The following DAB1 variants were observed in gnomAD, a reference collection of about 807,000 sequenced individuals.
DAB1 encodes the protein DAB adaptor protein 1, also known as disabled homolog 1.
A neutral mutation model predicts 64.6 loss-of-function variants in DAB1; 15 were observed. The ratio of observed to expected loss-of-function variants is 0.23; its 90% CI spans 0.16 to 0.36. The LOEUF is 0.36. Among genes scored for constraint, DAB1 ranks in the 10% least tolerant of loss-of-function variants. The pLI, the probability that DAB1 is intolerant of heterozygous loss-of-function variation, is 1.00. For synonymous variants in DAB1, 235 were observed against 251.9 expected (o/e 0.93, Z 0.64); for missense variants, 596 against 706.7 (o/e 0.84, Z 1.78).
intron 2 of DAB1, among the ~76,000 whole-genome samples, chr1:57,232,293 T>TTTTTC (rs988162198): frequency 4.8e-5 from 7 of 147,344 alleles, no homozygotes; most frequent in African/African-American, 1.8e-4. Flanking sequence ...ACTTTTTTTT[T>TTTTTC]TTTTTTTTTT....
chr1:57,466,487 T>G (rs1686957626), intron 7 of DAB1, among the ~76,000 whole-genome samples: 1 of 152,230 alleles, frequency 6.6e-6, no homozygotes, highest in Non-Finnish European at 1.5e-5. Flanking sequence ...CCTCATCTAT[T>G]AATTGCCAAA....
chr1:57,192,947 A>G (rs1277699359), intron 2 of DAB1, among the ~76,000 whole-genome samples: 1 of 152,196 alleles, frequency 6.6e-6, no homozygotes, highest in African/African-American at 2.4e-5. Context: ...TTGACAGATC[A>G]AAGTTATATA....
chr1:58,417,838 TGAG>T (rs1472138504), intron 3 of DAB1, among the ~76,000 whole-genome samples: 2 of 152,222 alleles, frequency 1.3e-5, no homozygotes, highest in African/African-American at 4.8e-5. Flanking sequence ...ACTGCACCCT[TGAG>T]GGAACTGTCC....
intron 7 of DAB1, among the ~76,000 whole-genome samples, chr1:57,646,202 C>T (rs1397089684): frequency 6.6e-6 from 1 of 152,080 alleles, no homozygotes; most frequent in African/African-American, 2.4e-5. Flanking sequence ...CTCAATTATG[C>T]CAATTGAAGA....
At chr1:57,663,871 C>T (rs1322388377) in intron 6 of DAB1, among the ~76,000 whole-genome samples, 1 of 152,082 alleles carries the variant, frequency 6.6e-6, no homozygotes, top group Non-Finnish European at 1.5e-5. Context: ...AACTTGTGTT[C>T]AGTTCTCTAA....
intron 4 of DAB1, among the ~76,000 whole-genome samples, chr1:58,257,269 G>C (rs1660953999): frequency 6.6e-6 from 1 of 152,210 alleles, no homozygotes; most frequent in African/African-American, 2.4e-5. Context: ...GAGTGACGCA[G>C]TTGACAGCTA....
chr1:57,424,410 C>T (rs1685180567), upstream of DAB1, among the ~76,000 whole-genome samples: 2 of 151,870 alleles, frequency 1.3e-5, no homozygotes, highest in Non-Finnish European at 2.9e-5. Context: ...ACTCTCTCTC[C>T]ATCCCAGCGT....
chr1:57,081,264 G>A (rs568595524), intron 4 of DAB1, among the ~76,000 whole-genome samples: 1 of 152,244 alleles, frequency 6.6e-6, no homozygotes, highest in Admixed American at 6.5e-5. Context: ...CAGAGCATCT[G>A]GTAGATGGTA....
Position 57,897,342 on chromosome 1 carries a change from C to T in DAB1, n.388-13180G>A, listed in dbSNP as rs569338948. 1.7e-4 allele frequency among the ~76,000 whole-genome samples: 26 copies of T among 152,164 alleles called. No homozygotes were observed. In the East Asian group the frequency reaches 4.6e-3, roughly 27 times the overall value. ...CAGTTGTGGCACAGGAACAAGAGAA[C>T]GAGACAGGCAGAGTGTGGAAACCAT... On this transcript the variant is annotated intron_variant and non_coding_transcript_variant, in intron 5 of 20. Transcript: ENST00000485760.
intron 3 of DAB1, among the ~76,000 whole-genome samples, chr1:58,451,470 G>A (rs919588040): frequency 6.6e-6 from 1 of 152,198 alleles, no homozygotes; most frequent in Non-Finnish European, 1.5e-5. Flanking sequence ...GTGAAGAAAT[G>A]GGTGGATCCA....
intron 1 of DAB1, among the ~76,000 whole-genome samples, chr1:57,415,107 C>T (rs2101069457): frequency 6.6e-6 from 1 of 152,194 alleles, no homozygotes; most frequent in Non-Finnish European, 1.5e-5. Flanking sequence ...TGGCCAATAC[C>T]AAGATTCATT....
At chr1:57,408,679 G>C (rs958842336) in intron 1 of DAB1, among the ~76,000 whole-genome samples, 1 of 152,174 alleles carries the variant, frequency 6.6e-6, no homozygotes, top group African/African-American at 2.4e-5. Flanking sequence ...GATGGGATAC[G>C]GTAGGAGAAA....
At chr1:57,070,510 C>T (rs1409403276) in intron 7 of DAB1, among the ~76,000 whole-genome samples, 1 of 152,350 alleles carries the variant, frequency 6.6e-6, no homozygotes, top group East Asian at 1.9e-4. Context: ...TTTCCTTCCT[C>T]CCAACAGCTC....
intron 5 of DAB1, among the ~76,000 whole-genome samples, chr1:58,119,861 T>C (rs77043368): frequency 0.14 from 21,855 of 152,166 alleles, 2,130 homozygotes; most frequent in East Asian, 0.37. Flanking sequence ...ATTTAGTAAG[T>C]TCATTATCGT....
At chr1:57,107,955 G>T (rs183359256) in intron 4 of DAB1, among the ~76,000 whole-genome samples, 128 of 152,192 alleles carry the variant, frequency 8.4e-4, no homozygotes, top group Middle Eastern at 3.4e-3. Flanking sequence ...GTGTGTGGGA[G>T]GACTAAATGA....
intron 7 of DAB1, among the ~76,000 whole-genome samples, chr1:57,590,278 A>T (rs2101568721): frequency 6.6e-6 from 1 of 151,860 alleles, no homozygotes; most frequent in Middle Eastern, 3.4e-3. Context: ...GAACCTTATG[A>T]TCTTACTTAA....
Position 57,357,274 on chromosome 1 carries a change from T to C in DAB1, c.-136-66108A>G, listed in dbSNP as rs150959908. On this transcript the variant is annotated intron_variant, in intron 1 of 14. Coordinates refer to ENST00000371236, the MANE Select transcript of DAB1 (RefSeq NM_001365792.1). ...CAGAGAAATGTAAAAAAAATAATACTGACAACAACTGAAAAGGCTCTGTCC... is the reference window on the plus strand; with the variant it reads ...CAGAGAAATGTAAAAAAAATAATACCGACAACAACTGAAAAGGCTCTGTCC... Among the ~76,000 whole-genome samples the C allele has an allele frequency of 5.4e-3, 818 of 152,098 alleles. 10 individuals are homozygous for C. Among genetic ancestry groups the C allele is most frequent in the African/African-American group, 0.018 (752 of 41,546 alleles).
intron 3 of DAB1, among the ~76,000 whole-genome samples, chr1:58,425,910 C>T (rs762010979): frequency 6.6e-6 from 1 of 151,732 alleles, no homozygotes; most frequent in Non-Finnish European, 1.5e-5. Flanking sequence ...ACACAAAGTG[C>T]GGGGTACAGA....
At chr1:57,402,820 A>G in intron 1 of DAB1, among the ~76,000 whole-genome samples, 1 of 152,280 alleles carries the variant, frequency 6.6e-6, no homozygotes, top group East Asian at 1.9e-4. Context: ...AATAATTGAA[A>G]GATGCATCCC....
Sources: allele counts gnomAD v4.1 joint callset (sites outside exome capture counted in the v4.1 genomes callset), GRCh38; gene constraint gnomAD v4.1.1; transcripts MANE v1.5; gene names NCBI Gene and HGNC (gene_info 2026-07-23, HGNC 2026-07-21).